CNTNAP2: variants seen among roughly 807,000 people sequenced by gnomAD.
CNTNAP2 encodes contactin-associated protein-like 2.
CNTNAP2 carries 98 observed loss-of-function variants against 155.2 expected under a neutral mutation model. That is an observed-to-expected ratio of 0.63 (90% CI 0.54 to 0.75). The LOEUF (loss-of-function observed/expected upper bound fraction) is 0.75. Among genes scored for constraint, CNTNAP2 ranks in the 30% least tolerant of loss-of-function variants. The probability of loss-of-function intolerance (pLI) is 0.00; values close to 1 mark genes in which losing one functional copy is unlikely to be tolerated. For synonymous variants in CNTNAP2, 651 were observed against 631.2 expected (o/e 1.03, Z -0.47); for missense variants, 1,727 against 1,688.1 (o/e 1.02, Z -0.40).
chr7:148,246,884 T>G (rs1053859493), intron 20 of CNTNAP2, among the ~76,000 whole-genome samples: 10 of 152,214 alleles, frequency 6.6e-5, no homozygotes, highest in African/African-American at 2.4e-4. Context: ...CAGGAAATTT[T>G]CTTTCTATCC....
At chr7:147,924,898 A>C (rs1418128892) in intron 14 of CNTNAP2, among the ~76,000 whole-genome samples, 4 of 151,998 alleles carry the variant, frequency 2.6e-5, no homozygotes. Flanking sequence ...CGGGCGGATC[A>C]TGAGGTCAGG....
chr7:147,545,806 A>T (rs1799718840), intron 11 of CNTNAP2, among the ~76,000 whole-genome samples: 1 of 152,206 alleles, frequency 6.6e-6, no homozygotes, highest in Non-Finnish European at 1.5e-5. Context: ...CTCACCTTAA[A>T]TTGTAGCTCC....
chr7:146,458,560 T>C (rs1796590238), intron 1 of CNTNAP2, among the ~76,000 whole-genome samples: 1 of 152,176 alleles, frequency 6.6e-6, no homozygotes, highest in South Asian at 2.1e-4. Flanking sequence ...AGATTTTACA[T>C]ATGTCCTATA....
intron 2 of CNTNAP2, among the ~76,000 whole-genome samples, chr7:146,801,139 A>T (rs1242027254): frequency 6.6e-6 from 1 of 152,092 alleles, no homozygotes; most frequent in Non-Finnish European, 1.5e-5. Flanking sequence ...TTCATGGAGG[A>T]TGAAGGGGTG....
intron 3 of CNTNAP2, among the ~76,000 whole-genome samples, chr7:146,891,141 G>A (rs1019197752): frequency 7.2e-5 from 11 of 152,080 alleles, no homozygotes; most frequent in Middle Eastern, 3.2e-3. Context: ...AATTAATGCT[G>A]GAACAGAAAA....
In CNTNAP2 at chr7:147,917,891, G is replaced by T. The variant is rs568813080; in HGVS notation, c.2255+14170G>T. The stretch of plus-strand genomic sequence containing the variant: ...CTCTGCTTTACCTCACTCACACTGG[G>T]GCCATTGTAAGGATATTTGTATTTT... On this transcript the variant is annotated intron_variant, in intron 14 of 23. Coordinates refer to ENST00000361727, the MANE Select transcript of CNTNAP2 (RefSeq NM_014141.6). Among the ~76,000 whole-genome samples, 7 of 152,178 alleles carry T rather than the reference G, an allele frequency of 4.6e-5. No individual in the cohort carries two copies. The East Asian group carries it at 1.2e-3, about 25-fold the overall frequency.
At chr7:146,283,436 C>G (rs1412426064) in intron 1 of CNTNAP2, among the ~76,000 whole-genome samples, 1 of 152,132 alleles carries the variant, frequency 6.6e-6, no homozygotes, top group African/African-American at 2.4e-5. Flanking sequence ...TGTGGGATCA[C>G]AGGTGAGTGT....
chr7:147,064,711 AAAGAAT>A (rs1403247925), intron 4 of CNTNAP2, among the ~76,000 whole-genome samples: 1 of 152,184 alleles, frequency 6.6e-6, no homozygotes, highest in Admixed American at 6.5e-5. Context: ...ATCCTTAAAT[AAAGAAT>A]AATAAAGAAG....
At chr7:147,168,053 G>A (rs1056368545) in intron 8 of CNTNAP2, among the ~76,000 whole-genome samples, 4 of 147,528 alleles carry the variant, frequency 2.7e-5, no homozygotes, top group African/African-American at 9.9e-5. Context: ...TATATAAAAT[G>A]TATATAAACA....
At chr7:147,128,903 A>G in intron 7 of CNTNAP2, 67 bp downstream of exon 7, 1 of 1,581,948 alleles carries the variant, frequency 6.3e-7, no homozygotes, top group Non-Finnish European at 8.7e-7. Flanking sequence ...TTTTTGGATT[A>G]TTGAACAACA....
At chr7:147,529,412 C>T (rs1584793992) in intron 11 of CNTNAP2, among the ~76,000 whole-genome samples, 1 of 152,280 alleles carries the variant, frequency 6.6e-6, no homozygotes, top group East Asian at 1.9e-4. Flanking sequence ...GCCACTCTCT[C>T]TGTAGAAGCG....
At chr7:146,224,185 T>C (rs1799253223) in intron 1 of CNTNAP2, among the ~76,000 whole-genome samples, 1 of 152,186 alleles carries the variant, frequency 6.6e-6, no homozygotes, top group South Asian at 2.1e-4. Context: ...TATGGCAATG[T>C]CAGACTTTCA....
chr7:146,380,199 T>A (rs1431737818), intron 1 of CNTNAP2, among the ~76,000 whole-genome samples: 1 of 152,208 alleles, frequency 6.6e-6, no homozygotes, highest in Non-Finnish European at 1.5e-5. Context: ...CATATCCCTG[T>A]ATACTGCAAA....
intron 3 of CNTNAP2, among the ~76,000 whole-genome samples, chr7:146,976,952 C>A (rs1489852503): frequency 6.6e-6 from 1 of 152,040 alleles, no homozygotes; most frequent in Admixed American, 6.6e-5. Flanking sequence ...TTGTAGCCCC[C>A]TCCAGGACAG....
Position 148,217,530 on chromosome 7 carries a change from G to A in CNTNAP2, c.3247+6G>A. Reference sequence around the variant, plus strand: ...AGTCCTCGTCAAACCCACTGGTAAGGACAAGGATACCCAGCCTCTGCCATT... The same window carrying A: ...AGTCCTCGTCAAACCCACTGGTAAGAACAAGGATACCCAGCCTCTGCCATT... On this transcript the variant is annotated splice_donor_region_variant and intron_variant, in intron 19 of 23. Transcript: ENST00000361727. 1.2e-6 allele frequency: 2 copies of A among 1,613,358 alleles called. No homozygotes were observed. The highest frequency in any genetic ancestry group is 1.7e-6 in the Non-Finnish European group (2 of 1,179,276).
At chr7:147,493,612 A>C (rs892244059) in intron 11 of CNTNAP2, among the ~76,000 whole-genome samples, 4 of 152,180 alleles carry the variant, frequency 2.6e-5, no homozygotes, top group Non-Finnish European at 5.9e-5. Flanking sequence ...AAATGTGTAT[A>C]GTTTCATTAA....
At chr7:147,762,322 C>T (rs981119008) in intron 13 of CNTNAP2, among the ~76,000 whole-genome samples, 1 of 151,960 alleles carries the variant, frequency 6.6e-6, no homozygotes, top group African/African-American at 2.4e-5. Context: ...ATATAGAAGA[C>T]CATGAATATT....
At chr7:148,034,726 G>A (rs1167866514) in intron 15 of CNTNAP2, among the ~76,000 whole-genome samples, 2 of 152,190 alleles carry the variant, frequency 1.3e-5, no homozygotes, top group Admixed American at 1.3e-4. Context: ...GGAAAATTTG[G>A]AGGAGTAGGC....
chr7:147,315,478 C>A (rs1015363411), intron 9 of CNTNAP2, among the ~76,000 whole-genome samples: 5 of 103,940 alleles, frequency 4.8e-5, no homozygotes, highest in African/African-American at 1.9e-4. Context: ...TTATTCTGGA[C>A]TTTTTTTTTT....
Sources: allele counts gnomAD v4.1 joint callset (sites outside exome capture counted in the v4.1 genomes callset), GRCh38; gene constraint gnomAD v4.1.1; transcripts MANE v1.5; gene names NCBI Gene and HGNC (gene_info 2026-07-23, HGNC 2026-07-21).